PAK1: variants seen among roughly 807,000 people sequenced by gnomAD.
PAK1 encodes serine/threonine-protein kinase PAK 1.
A neutral mutation model predicts 67.4 loss-of-function variants in PAK1; 29 were observed. The ratio of observed to expected loss-of-function variants is 0.43; its 90% CI spans 0.32 to 0.59. PAK1 has a LOEUF of 0.59. Among genes scored for constraint, PAK1 ranks in the 20% least tolerant of loss-of-function variants. The pLI is 0.07. For missense variants in PAK1, 337 were observed against 670.7 expected, an observed-to-expected ratio of 0.50 and a Z score of 5.50; for synonymous variants, 223 against 237.4, an observed-to-expected ratio of 0.94 and a Z score of 0.56.
At chr11:77,499,135 T>TAAAA in the PAK1 span, among the ~76,000 whole-genome samples, 1 of 141,190 alleles carries the variant, frequency 7.1e-6, no homozygotes, top group African/African-American at 2.6e-5. Flanking sequence ...CACTCACTAC[T>TAAAA]AAAAAAAAAA....
the PAK1 span, among the ~76,000 whole-genome samples, chr11:77,489,389 C>T: frequency 8.8e-6 from 1 of 113,936 alleles, no homozygotes; most frequent in Non-Finnish European, 2.3e-5. Context: ...TCCCCTCCCT[C>T]CTCTCTCCTC....
the PAK1 span, among the ~76,000 whole-genome samples, chr11:77,486,567 C>A: frequency 6.6e-6 from 1 of 152,194 alleles, no homozygotes; most frequent in East Asian, 1.9e-4. Flanking sequence ...ATTGCAGACA[C>A]CACCCCTCTT....
At chr11:77,491,461 C>T in the PAK1 span, among the ~76,000 whole-genome samples, 1,868 of 151,768 alleles carry the variant, frequency 0.012, 33 homozygotes, top group African/African-American at 0.043. Context: ...CCTGGGAGGT[C>T]AAGGCTGCAG....
chr11:77,456,955 A>C (rs565313920), intron 1 of PAK1, among the ~76,000 whole-genome samples: 7 of 152,044 alleles, frequency 4.6e-5, no homozygotes, highest in Non-Finnish European at 1.0e-4. Flanking sequence ...GTTAGCCAGA[A>C]TGGTCTCAAT....
intron 9 of PAK1, among the ~76,000 whole-genome samples, chr11:77,347,431 ACACCCTGAGC>A (rs1565598308): frequency 6.6e-6 from 1 of 152,194 alleles, no homozygotes; most frequent in Admixed American, 6.5e-5. Context: ...AGTTATCTAT[ACACCCTGAGC>A]CTCAAATTCC....
the PAK1 span, among the ~76,000 whole-genome samples, chr11:77,481,889 C>T: frequency 6.6e-6 from 1 of 152,130 alleles, no homozygotes; most frequent in Non-Finnish European, 1.5e-5. Context: ...GAGCTTGGAA[C>T]AGTGCTGTAC....
intron 1 of PAK1, among the ~76,000 whole-genome samples, chr11:77,398,595 T>C (rs1592249118): frequency 6.6e-6 from 1 of 152,362 alleles, no homozygotes; most frequent in East Asian, 1.9e-4. Context: ...AAATAGACAC[T>C]GTGATTGCTT....
In PAK1 at chr11:77,323,355, T is replaced by C. The variant is rs114048423; in HGVS notation, c.1557A>G (p.Gln519=). Reference sequence around the variant, plus strand: ...AGAGGGGCTTGGCAATCTTCAGGAATTGATGCTAGAAAGGAGAAAAATAGC... The same window carrying C: ...AGAGGGGCTTGGCAATCTTCAGGAACTGATGCTAGAAAGGAGAAAAATAGC... ...RGSAKELLQH[Q]FLKIAKPLSS... Residue 519 remains glutamine, a synonymous_variant, in exon 15 of 15, where the codon CAA becomes CAG. Transcript: ENST00000356341. 97 of 1,605,326 alleles carry C rather than the reference T, an allele frequency of 6.0e-5. No individual in the cohort carries two copies. The highest frequency in any genetic ancestry group is 9.9e-5 in the South Asian group (9 of 90,898).
the PAK1 span, among the ~76,000 whole-genome samples, chr11:77,498,307 A>T: frequency 6.6e-6 from 1 of 152,230 alleles, no homozygotes; most frequent in South Asian, 2.1e-4. Context: ...TTCCAAAAGG[A>T]AAAGTTTATT....
chr11:77,494,506 G>T, the PAK1 span, among the ~76,000 whole-genome samples: 5 of 151,578 alleles, frequency 3.3e-5, no homozygotes, highest in Non-Finnish European at 7.4e-5. Context: ...GGGACTACAG[G>T]TACATGCCAC....
intron 4 of PAK1, among the ~76,000 whole-genome samples, chr11:77,377,693 T>G (rs1949280115): frequency 6.6e-6 from 1 of 152,216 alleles, no homozygotes; most frequent in African/African-American, 2.4e-5. Context: ...CATACACATT[T>G]ACATGCCACT....
At chr11:77,392,185 G>T in intron 2 of PAK1, 146 bp downstream of exon 2, 1 of 563,874 alleles carries the variant, frequency 1.8e-6, no homozygotes, top group Non-Finnish European at 3.0e-6. Flanking sequence ...TTTTGCTTCA[G>T]CCACTGTAGG....
intron 5 of PAK1, among the ~76,000 whole-genome samples, chr11:77,369,263 G>A (rs1273300476): frequency 1.3e-5 from 2 of 151,612 alleles, no homozygotes; most frequent in African/African-American, 4.8e-5. Context: ...CTTCAGCTGG[G>A]AATTTTTTCT....
intron 8 of PAK1, chr11:77,353,025 C>G (rs2136452577): frequency 6.5e-6 from 1 of 152,764 alleles, no homozygotes; most frequent in Non-Finnish European, 1.5e-5. Flanking sequence ...TTCATAGTGC[C>G]TTGCACACAA....
intron 1 of PAK1, among the ~76,000 whole-genome samples, chr11:77,425,844 G>A (rs896453046): frequency 5.3e-5 from 8 of 152,108 alleles, no homozygotes; most frequent in East Asian, 1.9e-4. Flanking sequence ...TGGCTTCTGC[G>A]TATAATCCTA....
chr11:77,325,585 TAAG>T (rs977972677), intron 14 of PAK1, among the ~76,000 whole-genome samples: 3 of 152,222 alleles, frequency 2.0e-5, no homozygotes, highest in African/African-American at 7.2e-5. Context: ...GGTATTTAAT[TAAG>T]AATGGTATCT....
chr11:77,399,043 G>GTAC (rs1440153475), intron 1 of PAK1, among the ~76,000 whole-genome samples: 1 of 152,218 alleles, frequency 6.6e-6, no homozygotes. Context: ...TGAAAGGTAT[G>GTAC]TACACCTTTT....
chr11:77,445,567 T>C (rs1386203013), intron 1 of PAK1, among the ~76,000 whole-genome samples: 1 of 152,218 alleles, frequency 6.6e-6, no homozygotes, highest in Non-Finnish European at 1.5e-5. Context: ...CAGGAAACAT[T>C]TGCTCTCTTG....
the PAK1 span, among the ~76,000 whole-genome samples, chr11:77,497,647 CCAAGAAT>C: frequency 5.9e-5 from 9 of 152,336 alleles, no homozygotes; most frequent in African/African-American, 2.2e-4. Context: ...GCTGCTTGAG[CCAAGAAT>C]TCCATCCAAC....
Sources: allele counts gnomAD v4.1 joint callset (sites outside exome capture counted in the v4.1 genomes callset), GRCh38; gene constraint gnomAD v4.1.1; transcripts MANE v1.5; gene names NCBI Gene and HGNC (gene_info 2026-07-23, HGNC 2026-07-21).